IL12RB2: variants seen among roughly 807,000 people sequenced by gnomAD.
IL12RB2 encodes the protein interleukin-12 receptor subunit beta-2.
A neutral mutation model predicts 89.4 loss-of-function variants in IL12RB2; 82 were observed. The observed-to-expected ratio is 0.92, with a 90% CI of 0.77 to 1.10. The LOEUF (loss-of-function observed/expected upper bound fraction) is 1.10. Ranked by LOEUF, IL12RB2 falls within the 50% of genes least tolerant of loss-of-function variation. The probability of loss-of-function intolerance (pLI) is 0.00; values close to 1 mark genes in which losing one functional copy is unlikely to be tolerated. For synonymous variants in IL12RB2, 368 were observed against 370.1 expected (o/e 0.99, Z 0.07); for missense variants, 963 against 1,031.9 (o/e 0.93, Z 0.92).
intron 14 of IL12RB2, among the ~76,000 whole-genome samples, chr1:67,386,206 C>G (rs1352159118): frequency 3.0e-5 from 1 of 33,434 alleles, no homozygotes; most frequent in East Asian, 8.4e-4. Flanking sequence ...GAGACTCCAT[C>G]TCAAAAAAAA....
At position 67,348,390 on chromosome 1, in the gene IL12RB2, A is replaced by G. The variant is rs563286343; in HGVS notation, c.1039-2480A>G. The stretch of plus-strand genomic sequence containing the variant: ...CAGGCTTGTCTATATAGGGAGCAGC[A>G]CGTCATAACAGAGGGAACATTGGCC... On this transcript the variant is annotated intron_variant, in intron 9 of 16. Transcript: ENST00000674203. Among the ~76,000 whole-genome samples the G allele has an allele frequency of 3.3e-5, 5 of 152,304 alleles. No individual in the cohort carries two copies. The East Asian group carries it at 9.6e-4, about 29-fold the overall frequency.
At chr1:67,345,995 G>A (rs932066867) in intron 9 of IL12RB2, among the ~76,000 whole-genome samples, 2 of 152,054 alleles carry the variant, frequency 1.3e-5, no homozygotes, top group East Asian at 3.9e-4. Flanking sequence ...ATTATGCCAC[G>A]GTCACCACCA....
At chr1:67,389,887 T>C in intron 15 of IL12RB2, 142 bp from the exon 16 acceptor site, 1 of 669,596 alleles carries the variant, frequency 1.5e-6, no homozygotes, top group South Asian at 1.5e-5. Flanking sequence ...TCTTGGATGA[T>C]AAATCATCTT....
chr1:67,342,820 C>T lies in IL12RB2; in HGVS notation c.1038+4117C>T, dbSNP rs539994663. ...TGTCCCCCAGGCTGAAGTGTGGTGG[C>T]ACAATCTCAGCTCACTGCAGCCTTC... On this transcript the variant is annotated intron_variant, in intron 9 of 16. Coordinates refer to ENST00000674203, the MANE Select transcript of IL12RB2 (RefSeq NM_001374259.2). 1.2e-3 allele frequency among the ~76,000 whole-genome samples: 162 copies of T among 134,642 alleles called. 2 individuals are homozygous for T. The highest frequency in any genetic ancestry group is 4.0e-3 in the African/African-American group (154 of 38,272). 88.3% of individuals were successfully genotyped at this position (134,642 alleles called of 152,430 possible).
At chr1:67,362,586 A>G (rs1444535285) in intron 10 of IL12RB2, among the ~76,000 whole-genome samples, 1 of 149,986 alleles carries the variant, frequency 6.7e-6, no homozygotes, top group Admixed American at 6.6e-5. Flanking sequence ...AAAAAAAAAA[A>G]AAAAAAGAAA....
chr1:67,328,044 T>C (rs563085287), intron 5 of IL12RB2, among the ~76,000 whole-genome samples, 156 bp from the exon 6 acceptor site: 1 of 152,388 alleles, frequency 6.6e-6, no homozygotes, highest in East Asian at 1.9e-4. Flanking sequence ...CATGACCATA[T>C]AGTACAAATA....
intron 16 of IL12RB2, 142 bp from the exon 17 acceptor site, chr1:67,395,405 C>G: frequency 6.6e-7 from 1 of 1,510,852 alleles, no homozygotes; most frequent in South Asian, 1.2e-5. Flanking sequence ...TTTCTCTTAC[C>G]TCGCAAACTC....
At chr1:67,344,586 C>T (rs1011149773) in intron 9 of IL12RB2, among the ~76,000 whole-genome samples, 3 of 152,242 alleles carry the variant, frequency 2.0e-5, no homozygotes, top group Admixed American at 6.5e-5. Context: ...AGCAACGGCT[C>T]TCGGCCTAAT....
chr1:67,313,410 TC>T (rs1462014513), intron 1 of IL12RB2, among the ~76,000 whole-genome samples: 2 of 152,092 alleles, frequency 1.3e-5, no homozygotes, highest in Non-Finnish European at 2.9e-5. Context: ...TAGTAAGAGA[TC>T]AAAAAATTGC....
intron 16 of IL12RB2, among the ~76,000 whole-genome samples, chr1:67,394,555 G>A (rs1666166426): frequency 6.6e-6 from 1 of 152,054 alleles, no homozygotes; most frequent in South Asian, 2.1e-4. Context: ...AAAAAAAGAT[G>A]AAAATTTCTT....
In IL12RB2 at chr1:67,372,779, C is replaced by G. The variant is rs1663513625; in HGVS notation, c.1713C>G (p.Leu571=). The G allele has an allele frequency of 6.2e-7, 1 of 1,605,086 alleles. No individual in the cohort carries two copies. The highest frequency in any genetic ancestry group is 8.5e-7 in the Non-Finnish European group (1 of 1,171,834). ...KERDSNSQPQ[L]CEIPYRVSQN... is the part of the protein sequence containing the mutation. ...GGGACTCCAACTCCCAGCCTCAGCT[C>G]TGTGGTATGTGTGAGAACCAAATGC... is the stretch of plus-strand genomic sequence containing the variant. Residue 571 remains leucine, a synonymous_variant, in exon 13 of 17, where the codon CTC becomes CTG. Transcript: ENST00000674203.
intron 11 of IL12RB2, 137 bp downstream of exon 11, chr1:67,368,162 C>A: frequency 1.4e-6 from 1 of 699,562 alleles, no homozygotes; most frequent in South Asian, 1.5e-5. Flanking sequence ...TAGAGTCCAC[C>A]CAGCAGCACT....
chr1:67,366,629 A>C (rs1355593989), intron 10 of IL12RB2, among the ~76,000 whole-genome samples: 1 of 152,212 alleles, frequency 6.6e-6, no homozygotes, highest in Non-Finnish European at 1.5e-5. Flanking sequence ...TGGCTATTTT[A>C]GAGATAAATC....
At chr1:67,313,393 T>C (rs1487379910) in intron 1 of IL12RB2, among the ~76,000 whole-genome samples, 2 of 152,180 alleles carry the variant, frequency 1.3e-5, no homozygotes, top group Non-Finnish European at 2.9e-5. Flanking sequence ...GCATCGTGCC[T>C]GAAACATAGT....
chr1:67,336,173 A>G (rs1658730258), intron 8 of IL12RB2, among the ~76,000 whole-genome samples: 1 of 152,198 alleles, frequency 6.6e-6, no homozygotes, highest in Non-Finnish European at 1.5e-5. Flanking sequence ...TGTAATGGGA[A>G]AAGCAGGGTC....
intron 2 of IL12RB2, among the ~76,000 whole-genome samples, chr1:67,318,114 G>A (rs1187143595): frequency 6.6e-6 from 1 of 152,190 alleles, no homozygotes; most frequent in Non-Finnish European, 1.5e-5. Flanking sequence ...GATTCTAGCA[G>A]AGGACATGGA....
intron 6 of IL12RB2, 58 bp from the exon 7 acceptor site, chr1:67,329,528 TA>T: frequency 9.7e-7 from 1 of 1,029,540 alleles, no homozygotes; most frequent in Non-Finnish European, 1.5e-6. Context: ...TGCCAGTACA[TA>T]AGACAATTGC....
At chr1:67,318,329 C>G (rs774263036) in intron 2 of IL12RB2, among the ~76,000 whole-genome samples, 1 of 152,028 alleles carries the variant, frequency 6.6e-6, no homozygotes, top group Non-Finnish European at 1.5e-5. Context: ...TGAAGGGTTT[C>G]CAATAGTGGT....
In IL12RB2 at chr1:67,398,026, T is replaced by C. The variant is rs1666462798; in HGVS notation, c.*1937T>C. On this transcript the variant is annotated 3_prime_UTR_variant, in exon 17 of 17. Coordinates refer to ENST00000674203, the MANE Select transcript of IL12RB2 (RefSeq NM_001374259.2). The stretch of plus-strand genomic sequence containing the variant: ...CAGGTTGGAACTCTTGATACATCCT[T>C]GTTTCCTGAAATTCCAAACTTAACA... Among the ~76,000 whole-genome samples the C allele has an allele frequency of 6.6e-6, 1 of 152,238 alleles. No homozygotes were observed. Among genetic ancestry groups the C allele is most frequent in the Non-Finnish European group, 1.5e-5 (1 of 68,040 alleles).
Sources: allele counts gnomAD v4.1 joint callset (sites outside exome capture counted in the v4.1 genomes callset), GRCh38; gene constraint gnomAD v4.1.1; transcripts MANE v1.5; gene names NCBI Gene and HGNC (gene_info 2026-07-23, HGNC 2026-07-21).